The following SH3PXD2B variants were observed in gnomAD, a reference collection of about 807,000 sequenced individuals.
SH3PXD2B encodes SH3 and PX domains 2B, also known as SH3 and PX domain-containing protein 2B.
A neutral mutation model predicts 73.1 loss-of-function variants in SH3PXD2B; 37 were observed. The ratio of observed to expected loss-of-function variants is 0.51; its 90% confidence interval spans 0.39 to 0.67. The LOEUF (loss-of-function observed/expected upper bound fraction) is 0.67, where lower values mean the gene tolerates loss of function less well. Among genes scored for constraint, SH3PXD2B ranks in the 30% least tolerant of loss-of-function variants. SH3PXD2B has a pLI of 0.00. For synonymous variants in SH3PXD2B, 457 were observed against 480.5 expected (o/e 0.95, Z 0.64); for missense variants, 1,053 against 1,197.8 (o/e 0.88, Z 1.78).
Position 172,344,036 on chromosome 5 carries a change from C to A in SH3PXD2B, c.1188+2100G>T, listed in dbSNP as rs192014773. Among the ~76,000 whole-genome samples, 9 of 152,092 alleles carry A rather than the reference C, an allele frequency of 5.9e-5. No homozygotes were observed. In the East Asian group the frequency reaches 1.7e-3, roughly 29 times the overall value. On this transcript the variant is annotated intron_variant, in intron 12 of 12. Coordinates refer to ENST00000311601, the MANE Select transcript of SH3PXD2B (RefSeq NM_001017995.3). Reference sequence around the variant, plus strand: ...CTGGTATTTTGACCTCTTGGGACTTCTGTGAAGATCAGTTATCAAGGAGGT... The same window carrying A: ...CTGGTATTTTGACCTCTTGGGACTTATGTGAAGATCAGTTATCAAGGAGGT...
At chr5:172,382,919 G>C (rs1757982133) in intron 4 of SH3PXD2B, among the ~76,000 whole-genome samples, 1 of 149,796 alleles carries the variant, frequency 6.7e-6, no homozygotes, top group South Asian at 2.1e-4. Flanking sequence ...TGTATTTTTA[G>C]TAGAGACAGG....
At chr5:172,380,823 A>C (rs1171313408) in intron 5 of SH3PXD2B, among the ~76,000 whole-genome samples, 1 of 152,168 alleles carries the variant, frequency 6.6e-6, no homozygotes, top group Non-Finnish European at 1.5e-5. Context: ...AGCTGTGTTT[A>C]CTCGCTCCGT....
chr5:172,373,450 C>G (rs1258102947), intron 6 of SH3PXD2B, among the ~76,000 whole-genome samples: 1 of 152,256 alleles, frequency 6.6e-6, no homozygotes, highest in Non-Finnish European at 1.5e-5. Flanking sequence ...TCTGCCTCCC[C>G]TTCTCCATGA....
Position 172,327,980 on chromosome 5 carries a change from C to T in SH3PXD2B, c.1189-2600G>A, listed in dbSNP as rs186596887. ...ATGTTGGCCAGGCTGGTCTCGAACTCCTGACTTCAAGTGATCCACCCACTT... is the reference window on the plus strand; with the variant it reads ...ATGTTGGCCAGGCTGGTCTCGAACTTCTGACTTCAAGTGATCCACCCACTT... On this transcript the variant is annotated intron_variant, in intron 12 of 12. Coordinates refer to the SH3PXD2B transcript ENST00000519643. Among the ~76,000 whole-genome samples the T allele has an allele frequency of 3.0e-3, 454 of 151,976 alleles. 3 individuals are homozygous for T. The highest frequency in any genetic ancestry group is 0.01 in the African/African-American group (435 of 41,436).
intron 1 of SH3PXD2B, among the ~76,000 whole-genome samples, chr5:172,434,682 G>A (rs2113489738): frequency 6.6e-6 from 1 of 152,236 alleles, no homozygotes; most frequent in South Asian, 2.1e-4. Context: ...AAAGAATCCA[G>A]CTGAAATTCC....
intron 6 of SH3PXD2B, among the ~76,000 whole-genome samples, chr5:172,372,325 A>G (rs983279328): frequency 4.6e-5 from 7 of 151,972 alleles, no homozygotes; most frequent in Non-Finnish European, 8.8e-5. Flanking sequence ...AAAAGTGTGT[A>G]GCACTGCCCC....
intron 10 of SH3PXD2B, among the ~76,000 whole-genome samples, chr5:172,348,679 C>CTATCTTATCT (rs1757074372): frequency 7.7e-6 from 1 of 129,438 alleles, no homozygotes; most frequent in South Asian, 2.3e-4. Flanking sequence ...ATCTATCTAT[C>CTATCTTATCT]TATCTATCTA....
At chr5:172,361,453 C>T (rs537148483) in intron 7 of SH3PXD2B, among the ~76,000 whole-genome samples, 7 of 152,340 alleles carry the variant, frequency 4.6e-5, no homozygotes, top group African/African-American at 1.2e-4. Context: ...CTCCCTTCTT[C>T]TTGCTGCCCT....
At chr5:172,387,535 G>A (rs934408497) in intron 4 of SH3PXD2B, among the ~76,000 whole-genome samples, 3 of 152,142 alleles carry the variant, frequency 2.0e-5, no homozygotes, top group South Asian at 4.1e-4. Context: ...TAGGATTTAG[G>A]GTTCAGCCTC....
chr5:172,408,020 C>T (rs1229670558), intron 2 of SH3PXD2B, among the ~76,000 whole-genome samples: 3 of 152,132 alleles, frequency 2.0e-5, no homozygotes, highest in South Asian at 2.1e-4. Flanking sequence ...GGCTGGAGCT[C>T]CCGGCCTCTT....
chr5:172,350,013 C>T (rs1757123750), intron 10 of SH3PXD2B, among the ~76,000 whole-genome samples: 1 of 152,174 alleles, frequency 6.6e-6, no homozygotes, highest in Non-Finnish European at 1.5e-5. Context: ...TGCCACCACG[C>T]CTGGCTAATT....
At position 172,333,871 on chromosome 5, in the gene SH3PXD2B, G is replaced by C; in HGVS notation, c.*4498C>G. ...ACAGTTTATCATCACCCCTCTAAGT[G>C]AAAGGGGCGCTAACAATAATTACAC... On this transcript the variant is annotated 3_prime_UTR_variant, in exon 13 of 13. Coordinates refer to ENST00000311601, the MANE Select transcript of SH3PXD2B (RefSeq NM_001017995.3). 2 of 1,278,628 alleles carry C rather than the reference G, an allele frequency of 1.6e-6. No individual in the cohort carries two copies. Among genetic ancestry groups the C allele is most frequent in the South Asian group, 1.3e-5 (1 of 78,838 alleles). The allele number at this position is 1,278,628 out of a possible 1,614,324, so 79.2% of individuals were successfully genotyped here.
rs1262636786 is a variant in SH3PXD2B, at chr5:172,366,932, A to ATTTTTTTTTTTTT, written c.428-4076_428-4064dup. 2.0e-3 allele frequency among the ~76,000 whole-genome samples: 147 copies of ATTTTTTTTTTTTT among 75,082 alleles called. 20 individuals carry two copies. Among genetic ancestry groups the ATTTTTTTTTTTTT allele is most frequent in the Middle Eastern group, 0.011 (1 of 92 alleles). 49.3% of individuals were successfully genotyped at this position (75,082 alleles called of 152,430 possible). On this transcript the variant is annotated intron_variant, in intron 6 of 12. Transcript: ENST00000311601. ...TAGGTGTGAGCCATCGTGCCCGGCCATTTTTTTTTTTTTTTTTTTTTGGGG... is the reference window on the plus strand; with the variant it reads ...TAGGTGTGAGCCATCGTGCCCGGCCATTTTTTTTTTTTTTTTTTTTTTTTTTTTTTTTTTGGGG...
chr5:172,382,957 C>G (rs976986849), intron 4 of SH3PXD2B, among the ~76,000 whole-genome samples: 1 of 151,366 alleles, frequency 6.6e-6, no homozygotes, highest in African/African-American at 2.4e-5. Flanking sequence ...AGGCTGGTCT[C>G]GAACTCCCGG....
intron 5 of SH3PXD2B, 52 bp from the exon 6 acceptor site, chr5:172,373,867 G>A (rs1465138978): frequency 1.3e-6 from 2 of 1,594,204 alleles, no homozygotes; most frequent in Non-Finnish European, 8.6e-7. Flanking sequence ...TACTTGCCAT[G>A]TATTGACGTG....
At chr5:172,328,699 G>T (rs1475513824), downstream of SH3PXD2B, among the ~76,000 whole-genome samples, 1 of 152,026 alleles carries the variant, frequency 6.6e-6, no homozygotes, top group Non-Finnish European at 1.5e-5. Context: ...ATTAAGACAC[G>T]CTCACTGACC....
In SH3PXD2B at chr5:172,338,922, G is replaced by A; in HGVS notation, c.2183C>T (p.Ala728Val). The A allele has an allele frequency of 1.2e-6, 2 of 1,614,108 alleles. No individual in the cohort carries two copies. Among genetic ancestry groups the A allele is most frequent in the Non-Finnish European group, 1.7e-6 (2 of 1,179,956 alleles). The change falls in exon 13 of 13, where the codon GCC becomes GTC. Residue 728 changes from alanine (A) to valine (V), a missense_variant. Coordinates refer to ENST00000311601, the MANE Select transcript of SH3PXD2B (RefSeq NM_001017995.3). The surrounding 1 kb of genome is among the most constrained non-coding windows in gnomAD (Gnocchi z 5.1). ...TGTGGTCTTGGCTGGCCTCGGAGGGGCTCTGCAGGAAATCTCTTTTGGGCT... is the reference window on the plus strand; with the variant it reads ...TGTGGTCTTGGCTGGCCTCGGAGGGACTCTGCAGGAAATCTCTTTTGGGCT... ...GLSPKEISCR[A>V]PPRPAKTTDP...
intron 1 of SH3PXD2B, among the ~76,000 whole-genome samples, chr5:172,437,468 G>A (rs1421208615): frequency 6.6e-6 from 1 of 152,126 alleles, no homozygotes; most frequent in East Asian, 1.9e-4. Context: ...TGCGCCTGAG[G>A]TCGAGAGGCT....
At chr5:172,378,214 T>C (rs569633887) in intron 5 of SH3PXD2B, among the ~76,000 whole-genome samples, 1 of 152,262 alleles carries the variant, frequency 6.6e-6, no homozygotes, top group South Asian at 2.1e-4. Flanking sequence ...CCTGGCCCTC[T>C]CCCCTCTGTG....
Sources: allele counts gnomAD v4.1 joint callset (sites outside exome capture counted in the v4.1 genomes callset), GRCh38; gene constraint gnomAD v4.1.1; non-coding constraint Gnocchi (gnomAD v3.1); transcripts MANE v1.5; gene names NCBI Gene and HGNC (gene_info 2026-07-23, HGNC 2026-07-21).